Variants in GABRB3 observed in about 807,000 individuals in gnomAD.
The protein encoded by GABRB3 is gamma-aminobutyric acid type A receptor subunit beta3, also known as gamma-aminobutyric acid receptor subunit beta-3.
In GABRB3, 14 loss-of-function variants were observed where a neutral mutation model predicts 52.1. The ratio of observed to expected loss-of-function variants is 0.27; its 90% confidence interval spans 0.18 to 0.42. The LOEUF (loss-of-function observed/expected upper bound fraction) is 0.42. GABRB3 is among the 10% of genes least tolerant of loss of function. The probability of loss-of-function intolerance (pLI) is 1.00; values close to 1 mark genes in which losing one functional copy is unlikely to be tolerated. For synonymous variants in GABRB3, 260 were observed against 232.3 expected, an observed-to-expected ratio of 1.12 and a Z score of -1.08; for missense variants, 307 against 609.1, an observed-to-expected ratio of 0.50 and a Z score of 5.22.
At chr15:26,645,801 T>C (rs1893331788) in intron 3 of GABRB3, among the ~76,000 whole-genome samples, 2 of 152,154 alleles carry the variant, frequency 1.3e-5, no homozygotes, top group South Asian at 2.1e-4. Flanking sequence ...TGAAAGGGTC[T>C]TGCCTCACCC....
chr15:26,742,315 C>T lies in GABRB3; in HGVS notation c.240+30087G>A, dbSNP rs1027421512. On this transcript the variant is annotated intron_variant, in intron 3 of 8. Transcript: ENST00000311550. ...TTTACCCTTTGGCGTGAATATTGTC[C>T]CATCCATTCTTTACCCAATTTTTAG... 2.1e-4 allele frequency among the ~76,000 whole-genome samples: 32 copies of T among 151,864 alleles called. No individual in the cohort carries two copies. The East Asian group carries it at 2.7e-3, about 13-fold the overall frequency.
chr15:26,603,225 T>C (rs1595474118), intron 4 of GABRB3, among the ~76,000 whole-genome samples: 2 of 152,044 alleles, frequency 1.3e-5, no homozygotes, highest in South Asian at 4.1e-4. Context: ...ATCCAAAACC[T>C]AACAGATGAA....
intron 3 of GABRB3, among the ~76,000 whole-genome samples, chr15:26,668,422 C>T (rs1887782698): frequency 6.6e-6 from 1 of 152,188 alleles, no homozygotes; most frequent in Non-Finnish European, 1.5e-5. Flanking sequence ...GCCGGGAATG[C>T]CTGCAGCCCC....
intron 3 of GABRB3, among the ~76,000 whole-genome samples, chr15:26,661,582 G>C (rs1042229324): frequency 6.6e-6 from 1 of 152,162 alleles, no homozygotes; most frequent in Non-Finnish European, 1.5e-5. Context: ...CTGAACTCTG[G>C]AGTGGAGCAC....
At chr15:26,612,130 T>C (rs1386354154) in intron 4 of GABRB3, 3 of 152,104 alleles carry the variant, frequency 2.0e-5, no homozygotes, top group African/African-American at 7.2e-5. Context: ...AATAGTTACA[T>C]TAAACTAAAA....
intron 3 of GABRB3, among the ~76,000 whole-genome samples, chr15:26,759,092 T>C (rs1341391067): frequency 6.6e-6 from 1 of 152,170 alleles, no homozygotes; most frequent in Non-Finnish European, 1.5e-5. Flanking sequence ...CTTTTTCCTA[T>C]GACATAATAA....
intron 4 of GABRB3, chr15:26,613,773 C>T (rs760604866): frequency 6.6e-6 from 1 of 152,174 alleles, no homozygotes; most frequent in Non-Finnish European, 1.5e-5. Flanking sequence ...AATGTCAGCT[C>T]TGGATAAGTG....
intron 3 of GABRB3, among the ~76,000 whole-genome samples, chr15:26,764,217 T>C (rs1435882880): frequency 2.5e-5 from 2 of 81,074 alleles, no homozygotes; most frequent in Non-Finnish European, 4.6e-5. Flanking sequence ...TATATATATA[T>C]ATATATATAT....
chr15:26,648,088 T>C (rs1051663901), intron 3 of GABRB3, among the ~76,000 whole-genome samples: 2 of 152,186 alleles, frequency 1.3e-5, no homozygotes, highest in African/African-American at 4.8e-5. Flanking sequence ...TGACCATCCA[T>C]CTGCAGAACT....
chr15:26,714,371 G>A (rs193249057), intron 3 of GABRB3, among the ~76,000 whole-genome samples: 6 of 152,316 alleles, frequency 3.9e-5, no homozygotes, highest in Admixed American at 2.0e-4. Flanking sequence ...CTGCAAGTCC[G>A]TGACACAGCC....
intron 3 of GABRB3, among the ~76,000 whole-genome samples, chr15:26,661,946 T>C (rs1887565783): frequency 1.3e-5 from 2 of 152,018 alleles, no homozygotes; most frequent in Admixed American, 6.6e-5. Flanking sequence ...TGAAAAAAAA[T>C]GTTGCATTAT....
chr15:26,597,041 G>A (rs139108667), intron 4 of GABRB3, among the ~76,000 whole-genome samples: 1 of 152,050 alleles, frequency 6.6e-6, no homozygotes, highest in South Asian at 2.1e-4. Flanking sequence ...AAAGCCACCA[G>A]TTCCTCTCCC....
chr15:26,703,885 G>A (rs1299197921), intron 3 of GABRB3, among the ~76,000 whole-genome samples: 1 of 152,198 alleles, frequency 6.6e-6, no homozygotes, highest in Non-Finnish European at 1.5e-5. Context: ...TGCTGGCTTT[G>A]CGGGACCCAC....
intron 3 of GABRB3, among the ~76,000 whole-genome samples, chr15:26,719,221 T>C (rs1889581067): frequency 6.6e-6 from 1 of 152,234 alleles, no homozygotes; most frequent in African/African-American, 2.4e-5. Flanking sequence ...CAGGTGCCCA[T>C]GAGTGTTTGC....
chr15:26,591,394 C>T (rs776084483), intron 4 of GABRB3, among the ~76,000 whole-genome samples: 10 of 152,152 alleles, frequency 6.6e-5, no homozygotes, highest in Non-Finnish European at 1.2e-4. Context: ...AAAAGAGGGA[C>T]ATCTGTTTCT....
intron 3 of GABRB3, chr15:26,624,893 T>A: frequency 1.0e-6 from 1 of 985,516 alleles, no homozygotes; most frequent in Non-Finnish European, 1.2e-6. Context: ...TGACGTGCAG[T>A]GGTGAGCACT....
intron 3 of GABRB3, among the ~76,000 whole-genome samples, chr15:26,622,065 C>T (rs942118987): frequency 1.3e-5 from 2 of 152,112 alleles, no homozygotes; most frequent in Admixed American, 6.5e-5. Context: ...GTCTCCATGC[C>T]CTACCTATTG....
intron 3 of GABRB3, among the ~76,000 whole-genome samples, chr15:26,756,544 C>T (rs1201449684): frequency 2.6e-5 from 4 of 152,012 alleles, no homozygotes; most frequent in Non-Finnish European, 4.4e-5. Context: ...CACCACTGCA[C>T]TCCAGTCTGG....
chr15:26,675,449 ATG>A (rs1888037348), intron 3 of GABRB3, among the ~76,000 whole-genome samples: 1 of 152,100 alleles, frequency 6.6e-6, no homozygotes, highest in Non-Finnish European at 1.5e-5. Flanking sequence ...GTGCCTGTGC[ATG>A]TGTGTGAGTG....
Sources: gnomAD v4.1 joint callset for allele counts (sites outside exome capture counted in the v4.1 genomes callset) on GRCh38, gnomAD v4.1.1 for gene constraint, MANE v1.5 for transcripts, NCBI Gene and HGNC (gene_info 2026-07-23, HGNC 2026-07-21) for gene names.